Variants in STRN4 observed in about 807,000 individuals in gnomAD.
STRN4 encodes striatin-4.
Under a neutral mutation model 77.9 loss-of-function variants are expected in STRN4, and 27 were observed. The ratio of observed to expected loss-of-function variants is 0.35; its 90% CI spans 0.26 to 0.48. The LOEUF (loss-of-function observed/expected upper bound fraction) is 0.48, where lower values mean the gene tolerates loss of function less well. STRN4 is among the 20% of genes least tolerant of loss of function. The probability of loss-of-function intolerance (pLI) is 0.99; values close to 1 mark genes in which losing one functional copy is unlikely to be tolerated. For synonymous variants in STRN4, 466 were observed against 443.1 expected, an observed-to-expected ratio of 1.05 and a Z score of -0.65; for missense variants, 798 against 1,049.7, an observed-to-expected ratio of 0.76 and a Z score of 3.31.
At position 46,729,455 on chromosome 19, in the gene STRN4, G is replaced by A. The variant is rs540581711; in HGVS notation, c.880-678C>T. Among the ~76,000 whole-genome samples the A allele has an allele frequency of 5.3e-5, 8 of 152,280 alleles. No individual in the cohort carries two copies. The South Asian group carries it at 6.2e-4, about 12-fold the overall frequency. ...CAGGCTGAGTTTGGCGACACCTCTC[G>A]GGCACCAGTGAGGGGCCAGCCTCTG... On this transcript the variant is annotated intron_variant, in intron 6 of 17. Transcript: ENST00000263280.
rs752405093 is a variant in STRN4, at chr19:46,746,179, G to A, written c.252C>T (p.Ala84=). Residue 84 remains alanine (A), a synonymous_variant, in exon 1 of 18, where the codon GCC becomes GCT. Transcript: ENST00000263280. ...HEWARFEAEK[A]RWEAERAELQ... ...ACTCGGCGCGCTCGGCCTCCCAGCGGGCTTTCTCGGCTTCGAAGCGCGCCC... is the reference window on the plus strand; with the variant it reads ...ACTCGGCGCGCTCGGCCTCCCAGCGAGCTTTCTCGGCTTCGAAGCGCGCCC... 26 of 1,537,088 alleles carry A rather than the reference G, an allele frequency of 1.7e-5. No individual in the cohort carries two copies. The highest frequency in any genetic ancestry group is 3.5e-6 in the Non-Finnish European group (4 of 1,149,726).
intron 11 of STRN4, 136 bp downstream of exon 11, chr19:46,725,196 T>G: frequency 1.6e-6 from 2 of 1,269,726 alleles, no homozygotes; most frequent in South Asian, 2.7e-5. Context: ...GCTGTGTATA[T>G]CATGAAGGGG....
At chr19:46,728,933 G>A (rs767402093) in intron 6 of STRN4, 156 bp from the exon 7 acceptor site, 6 of 1,103,090 alleles carry the variant, frequency 5.4e-6, no homozygotes, top group Non-Finnish European at 7.6e-6. Context: ...GCCCCCTGCT[G>A]GGCCTTGGAC....
At position 46,730,833 on chromosome 19, in the gene STRN4, A is replaced by G. The variant is rs757919351; in HGVS notation, c.778T>C (p.Ser260Pro). ...AGGAAGGGGATCTGCCCCAGCACTG[A>G]GCCGCCCAAGCGCTCTTTGCCATCT... is the stretch of plus-strand genomic sequence containing the variant. ...GKDGKERLGG[S>P]VLGQIPFLQN... The change falls in exon 6 of 18, where the codon TCA (serine) becomes CCA (proline). Residue 260 changes from serine to proline, a missense_variant. Ser to Pro is a moderately conservative substitution (Grantham distance 74, BLOSUM62 -1). Transcript: ENST00000263280. 113 of 1,612,234 alleles carry G rather than the reference A, an allele frequency of 7.0e-5. No individual in the cohort carries two copies. The highest frequency in any genetic ancestry group is 9.4e-5 in the Non-Finnish European group (111 of 1,180,022).
chr19:46,723,173 C>T lies in STRN4; in HGVS notation c.1706G>A (p.Arg569His). Residue 569 changes from arginine to histidine, a missense_variant, in exon 13 of 18, where the codon CGC becomes CAC. Around this residue, in one of 2 missense-constraint regions of STRN4, gnomAD observed 287 missense variants for 473.8 expected, o/e 0.61. Transcript: ENST00000263280. This position sits in a 1 kb window ranked among gnomAD's most constrained non-coding sequence, Gnocchi z 5.5. ...GCTGCTGCTGCTGGGGTCCCAGATG[C>T]GGACGGTGCCATCAGCAGAACAGGA... ...LASCSADGTVRIWDPSSSSPA... is the reference protein window; with the variant it reads ...LASCSADGTVHIWDPSSSSPA... The T allele has an allele frequency of 6.4e-7, 1 of 1,563,820 alleles. No homozygotes were observed. The highest frequency in any genetic ancestry group is 8.7e-7 in the Non-Finnish European group (1 of 1,155,086).
chr19:46,721,076 G>A, intron 16 of STRN4: 1 of 279,684 alleles, frequency 3.6e-6, no homozygotes, highest in Non-Finnish European at 6.7e-6. Flanking sequence ...CTGCAGCTGG[G>A]CAACAGGAAG....
Position 46,738,333 on chromosome 19 carries a change from G to T in STRN4, c.387-96C>A. 1 of 1,179,132 alleles carries T rather than the reference G, an allele frequency of 8.5e-7. No individual in the cohort carries two copies. The highest frequency in any genetic ancestry group is 1.3e-6 in the Non-Finnish European group (1 of 793,440). The allele number at this position is 1,179,132 out of a possible 1,614,324, so 73.0% of individuals were successfully genotyped here. A position where few individuals can be genotyped will look rare whatever the true frequency, so the allele number is the denominator to read the frequency against. On this transcript the variant is annotated intron_variant, in intron 2 of 17. Transcript: ENST00000263280. This position sits in a 1 kb window ranked among gnomAD's most constrained non-coding sequence, Gnocchi z 4.5. The stretch of plus-strand genomic sequence containing the variant: ...CCAGAATCCCAAACCCCAAATCACA[G>T]GGCCTCCCCCAGCTCGTCTACTACT...
rs558513890 is a variant in STRN4, at chr19:46,741,035, G to T, written c.283-2147C>A. 6.6e-6 allele frequency among the ~76,000 whole-genome samples: 1 copy of T among 152,322 alleles called. No homozygotes were observed. The highest frequency in any genetic ancestry group is 1.5e-5 in the Non-Finnish European group (1 of 68,032). On this transcript the variant is annotated intron_variant, in intron 1 of 17. Transcript: ENST00000263280. This position sits in a 1 kb window ranked among gnomAD's most constrained non-coding sequence, Gnocchi z 4.9. ...AAAGGCTCAGTGAAGCCATGGAAGG[G>T]TTTTAAGTACAGAGAGGTAACCGAT...
chr19:46,735,713 C>G (rs1237467906), intron 4 of STRN4, among the ~76,000 whole-genome samples: 2 of 152,118 alleles, frequency 1.3e-5, no homozygotes, highest in Non-Finnish European at 2.9e-5. Context: ...ACCTATAATC[C>G]CAGCACTTTG....
rs2054297329 is a variant in STRN4, at chr19:46,733,502, A to G, written c.540-266T>C. 2.2e-6 allele frequency: 1 copy of G among 455,290 alleles called. No homozygotes were observed. The highest frequency in any genetic ancestry group is 3.9e-5 in the East Asian group (1 of 25,624). The allele number at this position is 455,290 out of a possible 1,614,324, so 28.2% of individuals were successfully genotyped here. A position where few individuals can be genotyped will look rare whatever the true frequency, so the allele number is the denominator to read the frequency against. On this transcript the variant is annotated intron_variant, in intron 4 of 17. Transcript: ENST00000263280. This position sits in a 1 kb window ranked among gnomAD's most constrained non-coding sequence, Gnocchi z 4.3. The stretch of plus-strand genomic sequence containing the variant: ...AGCACAGGGACCAGCCTCAGCACCC[A>G]CCGACAGGGGCTGTGTCAGCAAATG...
At chr19:46,721,762 G>T (rs1046437516) in intron 16 of STRN4, 2 of 531,270 alleles carry the variant, frequency 3.8e-6, no homozygotes, top group Admixed American at 3.2e-5. Flanking sequence ...AGTACCAACC[G>T]CACAGGCTGC....
At chr19:46,722,619 T>G (rs2054007060) in intron 14 of STRN4, among the ~76,000 whole-genome samples, 191 bp downstream of exon 14, 1 of 152,164 alleles carries the variant, frequency 6.6e-6, no homozygotes, top group South Asian at 2.1e-4. Flanking sequence ...CTCTCCCCAC[T>G]CAGCCCCGCC....
chr19:46,745,850 A>G (rs1475072786), intron 1 of STRN4: 1 of 280,540 alleles, frequency 3.6e-6, no homozygotes, highest in Non-Finnish European at 6.6e-6. Flanking sequence ...TCCCAGTCCC[A>G]CTCCCAGCTG....
intron 1 of STRN4, among the ~76,000 whole-genome samples, chr19:46,745,101 C>T (rs756050647): frequency 5.9e-5 from 9 of 151,670 alleles, no homozygotes; most frequent in African/African-American, 9.7e-5. Flanking sequence ...AATTCTCCCC[C>T]CTAAAGCATC....
rs772303111 is a variant in STRN4 at position 46,723,145 on chromosome 19, C to T, written c.1734G>A (p.Pro578=). 14 of 1,567,398 alleles carry T rather than the reference C, an allele frequency of 8.9e-6. No individual in the cohort carries two copies. Among genetic ancestry groups the T allele is most frequent in the African/African-American group, 8.1e-5 (6 of 73,720 alleles). ...VRIWDPSSSS[P]ACLCTFPTAS... The stretch of plus-strand genomic sequence containing the variant: ...CTGTGGGGAAGGTGCAGAGGCAGGC[C>T]GGGCTGCTGCTGCTGGGGTCCCAGA... Residue 578 remains proline, a synonymous_variant, in exon 13 of 18, where the codon CCG becomes CCA. Coordinates refer to ENST00000263280, the MANE Select transcript of STRN4 (RefSeq NM_013403.3). This position sits in a 1 kb window ranked among gnomAD's most constrained non-coding sequence, Gnocchi z 5.5.
chr19:46,737,326 T>C (rs1348203043), intron 3 of STRN4, among the ~76,000 whole-genome samples: 2 of 152,114 alleles, frequency 1.3e-5, no homozygotes, highest in Non-Finnish European at 2.9e-5. Context: ...GAGGATGCAA[T>C]GAGATAATTT....
Position 46,738,973 on chromosome 19 carries a change from C to T in STRN4, c.283-85G>A. 3 of 1,151,148 alleles carry T rather than the reference C, an allele frequency of 2.6e-6. No homozygotes were observed. The highest frequency in any genetic ancestry group is 3.5e-5 in the Admixed American group (2 of 57,192). 71.3% of individuals were successfully genotyped at this position (1,151,148 alleles called of 1,614,324 possible). A position where few individuals can be genotyped will look rare whatever the true frequency, so the allele number is the denominator to read the frequency against. On this transcript the variant is annotated intron_variant, in intron 1 of 17. Transcript: ENST00000263280. The surrounding 1 kb of genome is among the most constrained non-coding windows in gnomAD (Gnocchi z 4.5). The stretch of plus-strand genomic sequence containing the variant: ...TCTATCACTCACCCAGGTATAGTGC[C>T]AGCCCACAGTCACCCCACAGTAATG...
At chr19:46,742,355 T>C (rs1488455610) in intron 1 of STRN4, among the ~76,000 whole-genome samples, 1 of 152,046 alleles carries the variant, frequency 6.6e-6, no homozygotes, top group Non-Finnish European at 1.5e-5. Flanking sequence ...GGTCTTCTGC[T>C]AGGAGCAGCT....
In STRN4 at chr19:46,738,382, C is replaced by A. The variant is rs1462872168; in HGVS notation, c.387-145G>T. On this transcript the variant is annotated intron_variant, in intron 2 of 17. Coordinates refer to ENST00000263280, the MANE Select transcript of STRN4 (RefSeq NM_013403.3). The surrounding 1 kb of genome is among the most constrained non-coding windows in gnomAD (Gnocchi z 4.5). ...CTGAGGCTGAAGCATCCCCCCACAC[C>A]CCTGGCCTGGTGGAAGAAACCACTC... is the stretch of plus-strand genomic sequence containing the variant. 3 of 819,726 alleles carry A rather than the reference C, an allele frequency of 3.7e-6. No individual in the cohort carries two copies. In the Admixed American group the frequency reaches 6.3e-5, roughly 17 times the overall value. 50.8% of individuals were successfully genotyped at this position (819,726 alleles called of 1,614,324 possible).
Sources: allele counts gnomAD v4.1 joint callset (sites outside exome capture counted in the v4.1 genomes callset), GRCh38; gene constraint gnomAD v4.1.1; regional missense constraint gnomAD v4.1.1; non-coding constraint Gnocchi (gnomAD v3.1); transcripts MANE v1.5; gene names NCBI Gene and HGNC (gene_info 2026-07-23, HGNC 2026-07-21).